The following NBAS variants were observed in gnomAD, a reference collection of about 807,000 sequenced individuals.
The protein encoded by NBAS is NBAS subunit of NRZ tethering complex, also known as NAG/BC035112 fusion.
NBAS carries 219 observed loss-of-function variants against 302.5 expected under a neutral mutation model. The observed-to-expected ratio is 0.72, with a 90% CI of 0.65 to 0.81. NBAS has a LOEUF of 0.81. Ranked by LOEUF, NBAS falls within the 30% of genes least tolerant of loss-of-function variation. The pLI, the probability that NBAS is intolerant of heterozygous loss-of-function variation, is 0.00. For synonymous variants in NBAS, 1,118 were observed against 1,021.6 expected, an observed-to-expected ratio of 1.09 and a Z score of -1.80; for missense variants, 2,932 against 2,841.6, an observed-to-expected ratio of 1.03 and a Z score of -0.72.
chr2:15,549,334 A>C (rs1347512363), intron 6 of NBAS, among the ~76,000 whole-genome samples: 1 of 152,168 alleles, frequency 6.6e-6, no homozygotes, highest in Non-Finnish European at 1.5e-5. Flanking sequence ...GGGCATACAG[A>C]AGAAAACTTT....
chr2:15,375,023 C>T (rs950284978), intron 30 of NBAS, among the ~76,000 whole-genome samples: 4 of 152,032 alleles, frequency 2.6e-5, no homozygotes, highest in Admixed American at 2.0e-4. Context: ...TGTTCAGTGC[C>T]GTTTTTACTG....
chr2:15,493,829 CTTTTT>C (rs10715868), intron 11 of NBAS, among the ~76,000 whole-genome samples: 2 of 113,570 alleles, frequency 1.8e-5, no homozygotes, highest in Non-Finnish European at 1.9e-5. Context: ...GCAATTTTCT[CTTTTT>C]TTTTTTTTTT....
intron 44 of NBAS, among the ~76,000 whole-genome samples, chr2:15,245,802 A>C (rs1219710855): frequency 3.3e-5 from 5 of 152,212 alleles, no homozygotes; most frequent in Non-Finnish European, 5.9e-5. Flanking sequence ...AGGGCTGGAC[A>C]GTAAATATGT....
intron 12 of NBAS, among the ~76,000 whole-genome samples, chr2:15,482,996 A>G (rs1475467997): frequency 6.6e-6 from 1 of 152,150 alleles, no homozygotes; most frequent in Non-Finnish European, 1.5e-5. Context: ...CCATAACCCA[A>G]AGGAGGATGT....
At chr2:15,410,709 A>G (rs978814387) in intron 25 of NBAS, among the ~76,000 whole-genome samples, 4 of 152,242 alleles carry the variant, frequency 2.6e-5, no homozygotes, top group African/African-American at 9.6e-5. Context: ...CTACTGTATA[A>G]TATACAGAAA....
At chr2:15,038,321 C>T in the NBAS span, among the ~76,000 whole-genome samples, 3 of 152,176 alleles carry the variant, frequency 2.0e-5, no homozygotes, top group Admixed American at 6.5e-5. Flanking sequence ...ACCATTTGGC[C>T]AGGCTGGCCT....
At chr2:15,128,590 G>T in the NBAS span, among the ~76,000 whole-genome samples, 3 of 152,196 alleles carry the variant, frequency 2.0e-5, no homozygotes, top group African/African-American at 7.2e-5. Flanking sequence ...GGAGATCAGG[G>T]TGTGCCTTAT....
At chr2:15,486,723 GT>G (rs1304183561) in intron 12 of NBAS, among the ~76,000 whole-genome samples, 3 of 151,514 alleles carry the variant, frequency 2.0e-5, no homozygotes, top group Non-Finnish European at 4.4e-5. Context: ...TGGTTTTAAG[GT>G]TTTTAAACAA....
chr2:15,286,583 C>A (rs1670053566), intron 42 of NBAS, among the ~76,000 whole-genome samples: 1 of 152,212 alleles, frequency 6.6e-6, no homozygotes, highest in Non-Finnish European at 1.5e-5. Flanking sequence ...ACTGTATTGT[C>A]TACCTAGAAA....
intron 13 of NBAS, among the ~76,000 whole-genome samples, chr2:15,476,441 G>A (rs543664843): frequency 2.0e-5 from 3 of 152,132 alleles, no homozygotes; most frequent in Admixed American, 2.0e-4. Flanking sequence ...ATGAATTATG[G>A]GCCGGGCACA....
At chr2:14,953,178 C>T in the NBAS span, among the ~76,000 whole-genome samples, 2 of 152,142 alleles carry the variant, frequency 1.3e-5, no homozygotes, top group Non-Finnish European at 2.9e-5. Flanking sequence ...ACGGGCCACA[C>T]TTCTTCTGCT....
At position 15,383,236 on chromosome 2, in the gene NBAS, T is replaced by C. The variant is rs200951479; in HGVS notation, c.3339A>G (p.Leu1113=). The C allele has an allele frequency of 4.2e-5, 68 of 1,613,832 alleles. No homozygotes were observed. The highest frequency in any genetic ancestry group is 1.6e-4 in the Middle Eastern group (1 of 6,084). Residue 1113 remains leucine, a synonymous_variant, in exon 29 of 52, where the codon CTA becomes CTG. Coordinates refer to ENST00000281513, the MANE Select transcript of NBAS (RefSeq NM_015909.4). The part of the protein sequence containing the change: ...LTMQQNVYTC[L]DSDACYEIFT... The stretch of plus-strand genomic sequence containing the variant: ...TTACCTCATAGCAGGCATCAGAATC[T>C]AGACATGTGTATACATTCTGCTGCA...
chr2:15,033,900 A>G, the NBAS span, among the ~76,000 whole-genome samples: 1 of 151,498 alleles, frequency 6.6e-6, no homozygotes, highest in Non-Finnish European at 1.5e-5. Flanking sequence ...GTAAACTGAG[A>G]TCACACCACT....
chr2:15,338,055 A>G lies in NBAS; in HGVS notation c.4180-7290T>C, dbSNP rs1572682173. On this transcript the variant is annotated intron_variant, in intron 35 of 51. Coordinates refer to ENST00000281513, the MANE Select transcript of NBAS (RefSeq NM_015909.4). ...AAGGTTAGCTTATTAAGCACTAATA[A>G]TATTTTTCAAATCCTGTAACAACAG... Among the ~76,000 whole-genome samples the G allele has an allele frequency of 4.6e-5, 7 of 152,358 alleles. No individual in the cohort carries two copies. In the South Asian group the frequency reaches 1.4e-3, roughly 32 times the overall value.
At chr2:14,975,444 A>C in the NBAS span, among the ~76,000 whole-genome samples, 11 of 152,312 alleles carry the variant, frequency 7.2e-5, no homozygotes, top group South Asian at 2.1e-3. Flanking sequence ...TACTACTTCT[A>C]TCACTTGGTT....
chr2:14,943,645 T>A, the NBAS span, among the ~76,000 whole-genome samples: 1,020 of 152,342 alleles, frequency 6.7e-3, 12 homozygotes, highest in African/African-American at 0.023. Flanking sequence ...TTGTTTTACA[T>A]CTGTGAAAAC....
intron 40 of NBAS, among the ~76,000 whole-genome samples, chr2:15,293,900 C>T (rs1670431671): frequency 8.5e-6 from 1 of 117,356 alleles, no homozygotes; most frequent in African/African-American, 4.0e-5. Flanking sequence ...AAAAGTCAAT[C>T]TTACTATATT....
At chr2:15,024,781 G>C in the NBAS span, among the ~76,000 whole-genome samples, 11 of 152,250 alleles carry the variant, frequency 7.2e-5, no homozygotes, top group Middle Eastern at 6.8e-3. Context: ...AAAAGTGTCT[G>C]TTCATATCCT....
chr2:15,148,315 T>G, the NBAS span, among the ~76,000 whole-genome samples: 1 of 151,952 alleles, frequency 6.6e-6, no homozygotes, highest in Non-Finnish European at 1.5e-5. Flanking sequence ...CCACATCTAG[T>G]AGGGGAGAAA....
Sources: gnomAD v4.1 joint callset for allele counts (sites outside exome capture counted in the v4.1 genomes callset) on GRCh38, gnomAD v4.1.1 for gene constraint, MANE v1.5 for transcripts, NCBI Gene and HGNC (gene_info 2026-07-23, HGNC 2026-07-21) for gene names.